PIP4P1: variants seen among roughly 807,000 people sequenced by gnomAD.
The protein encoded by PIP4P1 is phosphatidylinositol-4,5-bisphosphate 4-phosphatase 1, also known as type 1 phosphatidylinositol 4,5-bisphosphate 4-phosphatase.
Under a neutral mutation model 32.3 loss-of-function variants are expected in PIP4P1, and 14 were observed. The ratio of observed to expected loss-of-function variants is 0.43; its 90% confidence interval spans 0.29 to 0.68. PIP4P1 has a LOEUF of 0.68. PIP4P1 is among the 30% of genes least tolerant of loss of function. The pLI is 0.15. For synonymous variants in PIP4P1, 132 were observed against 137.9 expected, an observed-to-expected ratio of 0.96 and a Z score of 0.30; for missense variants, 289 against 364.5, an observed-to-expected ratio of 0.79 and a Z score of 1.69.
At chr14:20,459,847 C>A in intron 3 of PIP4P1, 114 bp from the exon 4 acceptor site, 1 of 762,962 alleles carries the variant, frequency 1.3e-6, no homozygotes, top group Non-Finnish European at 2.2e-6. Flanking sequence ...TTAAGTCACT[C>A]GACTTCTCTG....
In PIP4P1 at chr14:20,460,393, G is replaced by A. The variant is rs1881656512; in HGVS notation, c.334-95C>T. The A allele has an allele frequency of 4.2e-6, 4 of 941,564 alleles. No homozygotes were observed. The South Asian group carries it at 6.4e-5, about 15-fold the overall frequency. 58.3% of individuals were successfully genotyped at this position (941,564 alleles called of 1,614,324 possible). A position where few individuals can be genotyped will look rare whatever the true frequency, so the allele number is the denominator to read the frequency against. Reference sequence around the variant, plus strand: ...CTTTATGAGATCAGAAAAATAAGGTGCTAACCAGGAAGGAGAAATAAAAGA... The same window carrying A: ...CTTTATGAGATCAGAAAAATAAGGTACTAACCAGGAAGGAGAAATAAAAGA... On this transcript the variant is annotated intron_variant, in intron 2 of 6. Coordinates refer to ENST00000250489, the MANE Select transcript of PIP4P1 (RefSeq NM_144568.4).
chr14:20,460,729 A>G lies in PIP4P1; in HGVS notation c.259T>C (p.Cys87Arg). ...CCTTCCACGTTGATGAGAGATTGGC[A>G]GACTCGGCAGGTGATCATAGGGGCA... ...GSAPMITCRVCQSLINVEGKM... is the reference protein window; with the variant it reads ...GSAPMITCRVRQSLINVEGKM... The change falls in exon 2 of 7, where the codon TGC (cysteine) becomes CGC (arginine). Residue 87 changes from cysteine (C) to arginine (R), a missense_variant. This residue lies in a region of PIP4P1 where 181 missense variants were observed against 263.3 expected (regional missense o/e 0.69). Transcript: ENST00000250489. 6.2e-7 allele frequency: 1 copy of G among 1,614,016 alleles called. No homozygotes were observed. The highest frequency in any genetic ancestry group is 8.5e-7 in the Non-Finnish European group (1 of 1,179,956).
chr14:20,460,595 C>A (rs751371139), intron 2 of PIP4P1, 60 bp downstream of exon 2: 4 of 1,576,314 alleles, frequency 2.5e-6, no homozygotes, highest in Middle Eastern at 1.7e-4. Context: ...GGTCTAGAAC[C>A]AAGACATCAG....
intron 3 of PIP4P1, 62 bp downstream of exon 3, chr14:20,460,130 G>T (rs1881645622): frequency 8.1e-7 from 1 of 1,239,688 alleles, no homozygotes; most frequent in Non-Finnish European, 1.2e-6. Flanking sequence ...CTCTGTATAC[G>T]CTCATCCTTT....
intron 2 of PIP4P1, 24 bp from the exon 3 acceptor site, chr14:20,460,322 C>T: frequency 6.4e-7 from 1 of 1,552,062 alleles, no homozygotes; most frequent in Non-Finnish European, 8.9e-7. Flanking sequence ...GGGTCATCAG[C>T]AAGCAAACCT....
rs576308609 is a variant in PIP4P1, at chr14:20,460,028, G to A, written c.440+164C>T. The A allele has an allele frequency of 1.4e-3, 943 of 657,992 alleles. 3 individuals are homozygous for A. Among genetic ancestry groups the A allele is most frequent in the Middle Eastern group, 2.5e-3 (6 of 2,442 alleles). 40.8% of individuals were successfully genotyped at this position (657,992 alleles called of 1,614,324 possible). On this transcript the variant is annotated intron_variant, in intron 3 of 6. Transcript: ENST00000250489. ...ATCATTTCATCTCAATATTTTTATT[G>A]AGAAACGAGAAAGACAGCTATAACA...
Position 20,460,828 on chromosome 14 carries a change from C to G in PIP4P1, c.160G>C (p.Glu54Gln). 2 of 1,556,476 alleles carry G rather than the reference C, an allele frequency of 1.3e-6. No individual in the cohort carries two copies. Among genetic ancestry groups the G allele is most frequent in the Non-Finnish European group, 1.7e-6 (2 of 1,154,658 alleles). Residue 54 changes from glutamate to glutamine, a missense_variant, in exon 2 of 7, where the codon GAG (glutamate) becomes CAG (glutamine). Transcript: ENST00000250489. ...PYGAAFPPFP[E>Q]GHPAVLPGED... ...CCAGGCAACACGGCTGGATGCCCCTCGGGAAACGGGGGAAATGCTGGAGAG... is the reference window on the plus strand; with the variant it reads ...CCAGGCAACACGGCTGGATGCCCCTGGGGAAACGGGGGAAATGCTGGAGAG...
At position 20,461,224 on chromosome 14, in the gene PIP4P1, G is replaced by T; in HGVS notation, c.102C>A (p.Pro34=). The part of the protein sequence containing the change: ...LVGPGGSGAG[P]GGGLTPSAPP... ...GTGCGGAGGGGGTCAGGCCTCCCCC[G>T]GGCCCAGCCCCACTCCCGCCGGGCC... is the stretch of plus-strand genomic sequence containing the variant. The change falls in exon 1 of 7, where the codon CCC becomes CCA. Residue 34 remains proline (P), a synonymous_variant. Transcript: ENST00000250489. 1 of 1,257,130 alleles carries T rather than the reference G, an allele frequency of 8.0e-7. No individual in the cohort carries two copies. The highest frequency in any genetic ancestry group is 1.0e-6 in the Non-Finnish European group (1 of 995,694). The allele number at this position is 1,257,130 out of a possible 1,614,324, so 77.9% of individuals were successfully genotyped here. A position where few individuals can be genotyped will look rare whatever the true frequency, so the allele number is the denominator to read the frequency against.
intron 6 of PIP4P1, chr14:20,458,964 TA>T (rs1433600077): frequency 8.0e-6 from 5 of 624,602 alleles, no homozygotes; most frequent in Non-Finnish European, 1.4e-5. Flanking sequence ...TAGCAACTCT[TA>T]AATTAAGAAT....
intron 3 of PIP4P1, 175 bp downstream of exon 3, chr14:20,460,017 A>T (rs571834925): frequency 3.1e-6 from 2 of 649,288 alleles, no homozygotes; most frequent in South Asian, 3.6e-5. Context: ...TTTCATCTCA[A>T]TATTTTTATT....
At chr14:20,460,579 G>A (rs932426677) in intron 2 of PIP4P1, 76 bp downstream of exon 2, 55 of 1,490,740 alleles carry the variant, frequency 3.7e-5, no homozygotes, top group South Asian at 2.1e-4. Flanking sequence ...ATAGCCGGAA[G>A]GTCAGGGTCT....
intron 2 of PIP4P1, 49 bp from the exon 3 acceptor site, chr14:20,460,347 C>T (rs767422355): frequency 1.5e-5 from 20 of 1,301,366 alleles, no homozygotes; most frequent in Non-Finnish European, 2.2e-5. Context: ...TCCCAATCCC[C>T]TCCACTTCCC....
At position 20,459,289 on chromosome 14, in the gene PIP4P1, T is replaced by C. The variant is rs758777339; in HGVS notation, c.607A>G (p.Ile203Val). 33 of 1,614,088 alleles carry C rather than the reference T, an allele frequency of 2.0e-5. No individual in the cohort carries two copies. The East Asian group carries it at 4.0e-4, about 20-fold the overall frequency. ...CTCTTACGTGGGTATCTGCGCCCAA[T>C]AGATGACCTGTGGGGAGGCAAATAG... is the stretch of plus-strand genomic sequence containing the variant. ...RCPHCRKVSS[I>V]GRRYPRKRCI... Residue 203 changes from isoleucine (I) to valine (V), a missense_variant, in exon 6 of 7, where the codon ATT (isoleucine) becomes GTT (valine). Around this residue, in one of 2 missense-constraint regions of PIP4P1, gnomAD observed 181 missense variants for 263.3 expected, o/e 0.69. Transcript: ENST00000250489.
chr14:20,459,212 G>A lies in PIP4P1; in HGVS notation c.684C>T (p.Gly228=), dbSNP rs1881599053. 6.2e-7 allele frequency: 1 copy of A among 1,614,158 alleles called. No homozygotes were observed. The change falls in exon 6 of 7, where the codon GGC becomes GGT. Residue 228 remains glycine, a synonymous_variant. Coordinates refer to ENST00000250489, the MANE Select transcript of PIP4P1 (RefSeq NM_144568.4). ...TTGGGGCAAGGGTACTCACGGCAAG[G>A]CCAGTGGCAGTGACTGCCAAAAGCA... ...LGLLLAVTAT[G]LAFGTWKHAR...
rs529437043 is a variant in PIP4P1, at chr14:20,457,791, C to G, written c.*768G>C. On this transcript the variant is annotated 3_prime_UTR_variant, in exon 7 of 7. Transcript: ENST00000250489. ...CAGCCTTGCTGTCTTCGTGTCTTAC[C>G]CCTTCGTGGGGCTACACATTCTCTT... 2.1e-6 allele frequency: 1 copy of G among 481,678 alleles called. No homozygotes were observed. The highest frequency in any genetic ancestry group is 2.0e-5 in the African/African-American group (1 of 51,276). 29.8% of individuals were successfully genotyped at this position (481,678 alleles called of 1,614,324 possible).
At chr14:20,458,827 C>G in intron 6 of PIP4P1, 125 bp from the exon 7 acceptor site, 3 of 1,251,558 alleles carry the variant, frequency 2.4e-6, no homozygotes, top group Non-Finnish European at 3.3e-6. Flanking sequence ...CACATGTAGC[C>G]ACCCTCAGGG....
intron 1 of PIP4P1, 161 bp from the exon 2 acceptor site, chr14:20,461,006 A>C (rs1881685557): frequency 3.2e-6 from 4 of 1,247,656 alleles, no homozygotes; most frequent in Non-Finnish European, 4.2e-6. Flanking sequence ...TTCCGTCCCT[A>C]GGCTGTGGTC....
At chr14:20,460,596 A>G (rs1300577016) in intron 2 of PIP4P1, 59 bp downstream of exon 2, 1 of 1,570,282 alleles carries the variant, frequency 6.4e-7, no homozygotes, top group Non-Finnish European at 8.7e-7. Flanking sequence ...GTCTAGAACC[A>G]AGACATCAGA....
chr14:20,458,662 T>C lies in PIP4P1; in HGVS notation c.731A>G (p.Tyr244Cys), dbSNP rs1249307306. 2 of 1,613,994 alleles carry C rather than the reference T, an allele frequency of 1.2e-6. No individual in the cohort carries two copies. Among genetic ancestry groups the C allele is most frequent in the Non-Finnish European group, 1.7e-6 (2 of 1,180,008 alleles). The change falls in exon 7 of 7, where the codon TAT becomes TGT. Residue 244 changes from tyrosine (Y) to cysteine (C), a missense_variant. Tyr to Cys is a radical substitution (Grantham distance 194). Around this residue, in one of 2 missense-constraint regions of PIP4P1, gnomAD observed 181 missense variants for 263.3 expected, o/e 0.69. Coordinates refer to ENST00000250489, the MANE Select transcript of PIP4P1 (RefSeq NM_144568.4). ...WKHARRYGGI[Y>C]AAWAFVILLA... Reference sequence around the variant, plus strand: ...CAGGATGACAAATGCCCAGGCTGCATAGATGCCTCCATATCGCCGTGCATG... The same window carrying C: ...CAGGATGACAAATGCCCAGGCTGCACAGATGCCTCCATATCGCCGTGCATG...
Sources: allele counts gnomAD v4.1 joint callset, GRCh38; gene constraint gnomAD v4.1.1; regional missense constraint gnomAD v4.1.1; transcripts MANE v1.5; gene names NCBI Gene and HGNC (gene_info 2026-07-23, HGNC 2026-07-21).